Variants in SIK3 observed in about 807,000 individuals in gnomAD.
SIK3 encodes the protein serine/threonine-protein kinase SIK3.
SIK3 carries 28 observed loss-of-function variants against 144.2 expected under a neutral mutation model. The ratio of observed to expected loss-of-function variants is 0.19; its 90% CI spans 0.14 to 0.27. The LOEUF (loss-of-function observed/expected upper bound fraction) is 0.27, where lower values mean the gene tolerates loss of function less well. Ranked by LOEUF, SIK3 falls within the 10% of genes least tolerant of loss-of-function variation. The pLI is 1.00. For missense variants in SIK3, 1,319 were observed against 1,776.0 expected, an observed-to-expected ratio of 0.74 and a Z score of 4.62; for synonymous variants, 686 against 676.3, an observed-to-expected ratio of 1.01 and a Z score of -0.22.
intron 1 of SIK3, among the ~76,000 whole-genome samples, chr11:117,066,056 T>C (rs922648961): frequency 6.7e-6 from 1 of 150,230 alleles, no homozygotes; most frequent in Non-Finnish European, 1.5e-5. Context: ...AATACTTTAT[T>C]TTTCTTTTCT....
chr11:117,052,294 G>A (rs1314714320), intron 1 of SIK3, among the ~76,000 whole-genome samples: 1 of 152,114 alleles, frequency 6.6e-6, no homozygotes, highest in African/African-American at 2.4e-5. Flanking sequence ...AAAAGTCAAA[G>A]TAAGGCTTTA....
intron 1 of SIK3, among the ~76,000 whole-genome samples, chr11:117,068,355 T>C (rs17120275): frequency 0.057 from 8,621 of 152,178 alleles, 528 homozygotes; most frequent in African/African-American, 0.15. Flanking sequence ...CCACCAAACA[T>C]AGTATTTTCT....
chr11:116,925,349 G>A (rs12292434), intron 4 of SIK3, among the ~76,000 whole-genome samples: 11,032 of 152,286 alleles, frequency 0.072, 494 homozygotes, highest in Middle Eastern at 0.11. Context: ...AGGGAAGCAG[G>A]AGGGTCGGAA....
At chr11:116,896,144 AAAAGGTT>A (rs1945385152) in intron 6 of SIK3, 102 bp downstream of exon 6, 1 of 1,472,464 alleles carries the variant, frequency 6.8e-7, no homozygotes, top group East Asian at 2.4e-5. Flanking sequence ...CTGGAGTTAA[AAAAGGTT>A]GTAAGTGGGC....
In SIK3 at chr11:116,887,038, A is replaced by G. The variant is rs552109393; in HGVS notation, c.865+9215T>C. On this transcript the variant is annotated intron_variant, in intron 6 of 24. Coordinates refer to ENST00000445177, the MANE Select transcript of SIK3 (RefSeq NM_001366686.3). Reference sequence around the variant, plus strand: ...AGGAATAGGAAGCAAACTCTACAGTAGATCAAAACACCCTTTTACACCTAA... The same window carrying G: ...AGGAATAGGAAGCAAACTCTACAGTGGATCAAAACACCCTTTTACACCTAA... Among the ~76,000 whole-genome samples, 42 of 152,358 alleles carry G rather than the reference A, an allele frequency of 2.8e-4. 1 individual carries two copies. In the South Asian group the frequency reaches 8.7e-3, roughly 32 times the overall value.
In SIK3 at chr11:117,024,403, T is replaced by C. The variant is rs148982619; in HGVS notation, c.274-67339A>G. Among the ~76,000 whole-genome samples, 161 of 152,134 alleles carry C rather than the reference T, an allele frequency of 1.1e-3. 3 individuals are homozygous for C. The East Asian group carries it at 0.029, about 27-fold the overall frequency. On this transcript the variant is annotated intron_variant, in intron 1 of 24. Coordinates refer to ENST00000445177, the MANE Select transcript of SIK3 (RefSeq NM_001366686.3). Reference sequence around the variant, plus strand: ...TGCTCATTTCTGCCATTGTGCCTCTTTTCCCTAAAGATTACTAAAAATAGC... The same window carrying C: ...TGCTCATTTCTGCCATTGTGCCTCTCTTCCCTAAAGATTACTAAAAATAGC...
intron 6 of SIK3, among the ~76,000 whole-genome samples, chr11:116,895,365 C>T (rs1471301273): frequency 2.0e-5 from 3 of 152,194 alleles, no homozygotes; most frequent in Non-Finnish European, 4.4e-5. Flanking sequence ...AACTTACCAA[C>T]CACTATCCTA....
chr11:117,047,332 T>C (rs1953014852), intron 1 of SIK3, among the ~76,000 whole-genome samples: 1 of 152,182 alleles, frequency 6.6e-6, no homozygotes, highest in Non-Finnish European at 1.5e-5. Flanking sequence ...GTTAGAATCC[T>C]GGAGGATTTT....
intron 1 of SIK3, among the ~76,000 whole-genome samples, chr11:117,089,444 A>T (rs527778061): frequency 6.6e-5 from 10 of 151,272 alleles, no homozygotes; most frequent in African/African-American, 2.4e-4. Context: ...TGTGTGACTC[A>T]GGTATTGGGG....
chr11:117,048,784 G>C (rs17120242), intron 1 of SIK3, among the ~76,000 whole-genome samples: 6,886 of 152,098 alleles, frequency 0.045, 519 homozygotes, highest in African/African-American at 0.16. Flanking sequence ...GAATTTAAGA[G>C]TGTCAGAACC....
At chr11:116,946,677 C>A (rs1308050531) in intron 3 of SIK3, among the ~76,000 whole-genome samples, 1 of 152,152 alleles carries the variant, frequency 6.6e-6, no homozygotes, top group African/African-American at 2.4e-5. Context: ...GTGAGATATC[C>A]GTGGAGAACT....
intron 1 of SIK3, among the ~76,000 whole-genome samples, chr11:117,014,873 G>C (rs1173812604): frequency 6.6e-6 from 1 of 152,146 alleles, no homozygotes; most frequent in African/African-American, 2.4e-5. Context: ...AGACCAGCCT[G>C]GGCAACATGG....
chr11:117,084,051 A>G (rs150534963), intron 1 of SIK3, among the ~76,000 whole-genome samples: 16 of 152,326 alleles, frequency 1.1e-4, no homozygotes, highest in African/African-American at 3.4e-4. Flanking sequence ...TTGTCCTCAA[A>G]TTTCTAACAG....
At chr11:116,998,767 C>T (rs1429244814) in intron 1 of SIK3, among the ~76,000 whole-genome samples, 1 of 152,182 alleles carries the variant, frequency 6.6e-6, no homozygotes, top group Non-Finnish European at 1.5e-5. Flanking sequence ...CTTTCCACAA[C>T]TCTAAGAGCA....
chr11:116,965,134 A>T (rs2135435190), intron 1 of SIK3, among the ~76,000 whole-genome samples: 1 of 152,306 alleles, frequency 6.6e-6, no homozygotes, highest in African/African-American at 2.4e-5. Flanking sequence ...ATTACTTGAA[A>T]TTCAAGATAT....
intron 4 of SIK3, among the ~76,000 whole-genome samples, chr11:116,921,629 A>T (rs965173326): frequency 6.6e-6 from 1 of 152,144 alleles, no homozygotes; most frequent in Non-Finnish European, 1.5e-5. Context: ...TCGGCTTCAC[A>T]AAGTGCTGAG....
intron 3 of SIK3, among the ~76,000 whole-genome samples, chr11:116,932,308 T>C (rs566431036): frequency 6.6e-6 from 1 of 152,214 alleles, no homozygotes; most frequent in African/African-American, 2.4e-5. Flanking sequence ...TCACAGGAAG[T>C]TGCAAAGACA....
chr11:117,053,219 C>A (rs1953343697), intron 1 of SIK3, among the ~76,000 whole-genome samples: 1 of 151,864 alleles, frequency 6.6e-6, no homozygotes, highest in Non-Finnish European at 1.5e-5. Flanking sequence ...CACCTATAAT[C>A]CCAGCTACTC....
At chr11:116,863,889 G>T in intron 15 of SIK3, 71 bp from the exon 16 acceptor site, 1 of 1,447,234 alleles carries the variant, frequency 6.9e-7, no homozygotes, top group Non-Finnish European at 9.3e-7. Flanking sequence ...AGGGACTGCT[G>T]TTCCAGATGA....
Sources: allele counts gnomAD v4.1 joint callset (sites outside exome capture counted in the v4.1 genomes callset), GRCh38; gene constraint gnomAD v4.1.1; transcripts MANE v1.5; gene names NCBI Gene and HGNC (gene_info 2026-07-23, HGNC 2026-07-21).